GNA14: variants seen among roughly 807,000 people sequenced by gnomAD.
GNA14 encodes the protein guanine nucleotide-binding protein subunit alpha-14.
A neutral mutation model predicts 42.0 loss-of-function variants in GNA14; 50 were observed. That is an observed-to-expected ratio of 1.19 (90% confidence interval 0.95 to 1.51). GNA14 has a LOEUF of 1.51. GNA14 is among the 40% of genes most tolerant of loss of function. The pLI is 0.00. For synonymous variants in GNA14, 173 were observed against 163.1 expected, an observed-to-expected ratio of 1.06 and a Z score of -0.46; for missense variants, 473 against 446.2, an observed-to-expected ratio of 1.06 and a Z score of -0.54.
intron 1 of GNA14, among the ~76,000 whole-genome samples, chr9:77,645,790 G>A (rs1208753852): frequency 7.2e-5 from 11 of 152,186 alleles, no homozygotes; most frequent in African/African-American, 2.7e-4. Flanking sequence ...GCCAGCATTT[G>A]TCAAGCTCCT....
chr9:77,493,026 A>AAAATATATATATAT (rs1554691641), intron 2 of GNA14, among the ~76,000 whole-genome samples: 1 of 51,716 alleles, frequency 1.9e-5, no homozygotes, highest in Non-Finnish European at 3.3e-5. Flanking sequence ...AAAAAAAAAA[A>AAAATATATATATAT]ATATATATAT....
intron 2 of GNA14, among the ~76,000 whole-genome samples, chr9:77,447,236 GC>G (rs1254873417): frequency 6.6e-6 from 1 of 152,106 alleles, no homozygotes; most frequent in East Asian, 1.9e-4. Context: ...GAGCCACCAT[GC>G]CCAGCCTCAA....
At chr9:77,534,278 TTC>T (rs1284793407) in intron 1 of GNA14, among the ~76,000 whole-genome samples, 1 of 152,230 alleles carries the variant, frequency 6.6e-6, no homozygotes, top group African/African-American at 2.4e-5. Flanking sequence ...TCCTCCACTC[TTC>T]TCTCTCGAGT....
intron 4 of GNA14, among the ~76,000 whole-genome samples, chr9:77,430,121 G>C (rs1835520729): frequency 6.6e-6 from 1 of 152,202 alleles, no homozygotes; most frequent in Admixed American, 6.5e-5. Flanking sequence ...ATCACAGCAG[G>C]GAACCGATCT....
intron 1 of GNA14, among the ~76,000 whole-genome samples, chr9:77,567,478 A>C (rs12346322): frequency 0.16 from 24,580 of 152,248 alleles, 3,137 homozygotes; most frequent in African/African-American, 0.36. Flanking sequence ...AGGCAAAATA[A>C]GATGAGAGCT....
intron 1 of GNA14, among the ~76,000 whole-genome samples, chr9:77,606,546 C>A (rs1347991795): frequency 3.3e-5 from 5 of 152,148 alleles, no homozygotes; most frequent in South Asian, 2.1e-4. Context: ...AAACTGAAAT[C>A]TGTGTTTAGA....
intron 2 of GNA14, among the ~76,000 whole-genome samples, chr9:77,504,914 C>T (rs1239921663): frequency 6.6e-6 from 1 of 152,090 alleles, no homozygotes; most frequent in Non-Finnish European, 1.5e-5. Flanking sequence ...GATCCACCCG[C>T]CTCGGCCTCC....
intron 2 of GNA14, among the ~76,000 whole-genome samples, chr9:77,478,530 T>G (rs1177377352): frequency 1.2e-4 from 18 of 151,124 alleles, no homozygotes; most frequent in Admixed American, 3.3e-4. Flanking sequence ...TATAATCCTT[T>G]GGGTATATAC....
intron 1 of GNA14, among the ~76,000 whole-genome samples, chr9:77,587,585 C>A (rs965954718): frequency 1.3e-5 from 2 of 152,046 alleles, no homozygotes; most frequent in Non-Finnish European, 2.9e-5. Flanking sequence ...TATGAAATAT[C>A]CGTAGTATGA....
chr9:77,492,468 C>A (rs1198555147), intron 2 of GNA14, among the ~76,000 whole-genome samples: 2 of 151,212 alleles, frequency 1.3e-5, no homozygotes, highest in African/African-American at 4.9e-5. Flanking sequence ...AAATCTGAAA[C>A]AAAAAAGGAG....
At chr9:77,642,254 A>G (rs1824279333) in intron 1 of GNA14, among the ~76,000 whole-genome samples, 1 of 152,210 alleles carries the variant, frequency 6.6e-6, no homozygotes, top group South Asian at 2.1e-4. Context: ...AGACAGAAGA[A>G]GAGGTACGTG....
chr9:77,550,377 T>A (rs1021336137), intron 1 of GNA14, among the ~76,000 whole-genome samples: 1 of 151,960 alleles, frequency 6.6e-6, no homozygotes, highest in African/African-American at 2.4e-5. Context: ...TCACCCAGAG[T>A]TTTTAAGAAG....
chr9:77,569,633 C>T (rs1823029124), intron 1 of GNA14, among the ~76,000 whole-genome samples: 1 of 152,128 alleles, frequency 6.6e-6, no homozygotes, highest in African/African-American at 2.4e-5. Context: ...GAAGAAAGAG[C>T]CCAGGCTATG....
chr9:77,456,092 C>G (rs905984508), intron 2 of GNA14, among the ~76,000 whole-genome samples: 1 of 152,124 alleles, frequency 6.6e-6, no homozygotes, highest in African/African-American at 2.4e-5. Context: ...CTAGTATAAG[C>G]ATGATCATAT....
chr9:77,439,777 G>A (rs556401908), intron 2 of GNA14, among the ~76,000 whole-genome samples: 229 of 152,304 alleles, frequency 1.5e-3, no homozygotes, highest in Non-Finnish European at 2.4e-3. Flanking sequence ...TGCACTCTGA[G>A]CACAAGGGAC....
rs569809817 is a variant in GNA14 at position 77,537,644 on chromosome 9, G to C, written c.125-8391C>G. On this transcript the variant is annotated intron_variant, in intron 1 of 6. Coordinates refer to ENST00000341700, the MANE Select transcript of GNA14 (RefSeq NM_004297.4). ...TATGGTAATCTATTTTGAGTTGTTG[G>C]AGAATTCTCCATACTGTTTTCCATA... Among the ~76,000 whole-genome samples, 3 of 152,270 alleles carry C rather than the reference G, an allele frequency of 2.0e-5. No individual in the cohort carries two copies. In the South Asian group the frequency reaches 6.2e-4, roughly 32 times the overall value.
intron 2 of GNA14, among the ~76,000 whole-genome samples, chr9:77,465,166 T>C (rs940375962): frequency 6.6e-6 from 1 of 152,182 alleles, no homozygotes; most frequent in African/African-American, 2.4e-5. Context: ...AGCCAGATAC[T>C]CCCCATTTAC....
At chr9:77,537,116 A>G (rs1837607723) in intron 1 of GNA14, among the ~76,000 whole-genome samples, 1 of 152,132 alleles carries the variant, frequency 6.6e-6, no homozygotes, top group African/African-American at 2.4e-5. Flanking sequence ...CTTTGAGTAT[A>G]CAATACACTG....
At chr9:77,525,815 G>C (rs971202782) in intron 2 of GNA14, among the ~76,000 whole-genome samples, 3 of 151,498 alleles carry the variant, frequency 2.0e-5, no homozygotes, top group African/African-American at 7.3e-5. Flanking sequence ...TGGGATTACA[G>C]GCGTGAGCCA....
Sources: gnomAD v4.1 joint callset for allele counts (sites outside exome capture counted in the v4.1 genomes callset) on GRCh38, gnomAD v4.1.1 for gene constraint, MANE v1.5 for transcripts, NCBI Gene and HGNC (gene_info 2026-07-23, HGNC 2026-07-21) for gene names.